Variants in PAQR5 observed in about 807,000 individuals in gnomAD.
PAQR5 encodes the protein membrane progestin receptor gamma.
A neutral mutation model predicts 34.5 loss-of-function variants in PAQR5; 20 were observed. That is an observed-to-expected ratio of 0.58 (90% CI 0.41 to 0.84). The LOEUF (loss-of-function observed/expected upper bound fraction) is 0.84. Among genes scored for constraint, PAQR5 ranks in the 40% least tolerant of loss-of-function variants. The probability of loss-of-function intolerance (pLI) is 0.00; values close to 1 mark genes in which losing one functional copy is unlikely to be tolerated. For missense variants in PAQR5, 378 were observed against 412.7 expected (o/e 0.92, Z 0.73); for synonymous variants, 131 against 155.6 (o/e 0.84, Z 1.18).
intron 4 of PAQR5, chr15:69,382,810 A>AAGCT: frequency 1.7e-4 from 1 of 5,870 alleles, no homozygotes; most frequent in African/African-American, 6.0e-4. Flanking sequence ...CCATATATAT[A>AAGCT]TATATATATA....
chr15:69,362,660 T>C (rs1396696109), intron 3 of PAQR5, among the ~76,000 whole-genome samples: 4 of 152,176 alleles, frequency 2.6e-5, no homozygotes, highest in Non-Finnish European at 5.9e-5. Context: ...CCTGGGGTTG[T>C]GAGAATTAAA....
Position 69,360,014 on chromosome 15 carries a change from A to C in PAQR5, c.-67A>C. 1 of 1,274,818 alleles carries C rather than the reference A, an allele frequency of 7.8e-7. No individual in the cohort carries two copies. The highest frequency in any genetic ancestry group is 1.7e-5 in the Admixed American group (1 of 58,900). 79.0% of individuals were successfully genotyped at this position (1,274,818 alleles called of 1,614,324 possible). A position where few individuals can be genotyped will look rare whatever the true frequency, so the allele number is the denominator to read the frequency against. On this transcript the variant is annotated 5_prime_UTR_variant, in exon 3 of 9. Coordinates refer to ENST00000395407, the MANE Select transcript of PAQR5 (RefSeq NM_017705.4). ...GCAGAGACGCCCCAGGCCATGTTAG[A>C]GCTTTGAGTGAGGCCTGGTAACAGG...
At chr15:69,319,738 GC>G (rs1226918330) in intron 1 of PAQR5, among the ~76,000 whole-genome samples, 1 of 152,250 alleles carries the variant, frequency 6.6e-6, no homozygotes, top group South Asian at 2.1e-4. Flanking sequence ...GGAGCTCAGT[GC>G]CCATGGAGCA....
intron 6 of PAQR5, chr15:69,391,351 G>C (rs1210563355): frequency 6.3e-6 from 1 of 157,492 alleles, no homozygotes; most frequent in Non-Finnish European, 1.4e-5. Flanking sequence ...TGGAAGGATA[G>C]ATTCTGAAAC....
intron 1 of PAQR5, among the ~76,000 whole-genome samples, chr15:69,323,571 C>T (rs530650301): frequency 6.6e-6 from 1 of 152,294 alleles, no homozygotes; most frequent in African/African-American, 2.4e-5. Context: ...CTGGCTGACA[C>T]AATTAATCCT....
chr15:69,396,424 T>C (rs560485989), intron 6 of PAQR5, among the ~76,000 whole-genome samples: 1 of 152,070 alleles, frequency 6.6e-6, no homozygotes, highest in Admixed American at 6.5e-5. Flanking sequence ...GATGCATGCA[T>C]TGCCTTTACA....
intron 6 of PAQR5, chr15:69,397,211 G>A (rs1325442378): frequency 2.5e-5 from 16 of 637,974 alleles, no homozygotes; most frequent in Non-Finnish European, 4.4e-5. Context: ...CTCCTTTCTG[G>A]CTTAGTCTGG....
chr15:69,349,114 G>T lies in PAQR5; in HGVS notation c.-115-10852G>T, dbSNP rs148523492. ...GCTTGTGAGTCGGTGGACTGCGCGG[G>T]GAAAATTTGCCCGTAATGTGGGTGG... On this transcript the variant is annotated intron_variant, in intron 2 of 8. Transcript: ENST00000395407. Among the ~76,000 whole-genome samples, 144 of 152,052 alleles carry T rather than the reference G, an allele frequency of 9.5e-4. 1 individual carries two copies. Among genetic ancestry groups the T allele is most frequent in the Middle Eastern group, 3.4e-3 (1 of 294 alleles).
intron 2 of PAQR5, among the ~76,000 whole-genome samples, chr15:69,341,680 C>T (rs1367308390): frequency 2.0e-5 from 3 of 152,184 alleles, no homozygotes; most frequent in Non-Finnish European, 2.9e-5. Context: ...TTCAGGCCGT[C>T]GCACCTGTAA....
At chr15:69,328,661 C>A (rs2054307700) in intron 1 of PAQR5, among the ~76,000 whole-genome samples, 1 of 152,224 alleles carries the variant, frequency 6.6e-6, no homozygotes, top group African/African-American at 2.4e-5. Context: ...TTATTCCAGC[C>A]TGTGCTTACC....
rs575854811 is a variant in PAQR5 at position 69,331,198 on chromosome 15, T to G, written c.-276-6143T>G. Among the ~76,000 whole-genome samples, 18 of 152,234 alleles carry G rather than the reference T, an allele frequency of 1.2e-4. No homozygotes were observed. The East Asian group carries it at 3.5e-3, about 29-fold the overall frequency. On this transcript the variant is annotated intron_variant, in intron 1 of 8. Coordinates refer to ENST00000395407, the MANE Select transcript of PAQR5 (RefSeq NM_017705.4). ...GAGTAACCTAGGTGCTGCCAATGCC[T>G]CCTTCCTTCTCGCCACTGGTTCTGT...
At chr15:69,334,314 C>T (rs1320243772) in intron 1 of PAQR5, among the ~76,000 whole-genome samples, 1 of 152,156 alleles carries the variant, frequency 6.6e-6, no homozygotes, top group Non-Finnish European at 1.5e-5. Flanking sequence ...AGGCATGAGC[C>T]ACTGCACCCG....
rs1208601166 is a variant in PAQR5 at position 69,385,189 on chromosome 15, G to A, written c.385+307G>A. Among the ~76,000 whole-genome samples, 3 of 152,218 alleles carry A rather than the reference G, an allele frequency of 2.0e-5. No homozygotes were observed. Among genetic ancestry groups the A allele is most frequent in the African/African-American group, 7.2e-5 (3 of 41,442 alleles). ...TAACATGACATCACAGAACACAAGG[G>A]TGGGAAGAGATATGCGTAGCACACT... On this transcript the variant is annotated intron_variant, in intron 5 of 8. Transcript: ENST00000395407. This position sits in a 1 kb window ranked among gnomAD's most constrained non-coding sequence, Gnocchi z 4.7.
intron 1 of PAQR5, among the ~76,000 whole-genome samples, chr15:69,300,222 G>A (rs1489924335): frequency 3.9e-5 from 6 of 152,152 alleles, no homozygotes; most frequent in Non-Finnish European, 8.8e-5. Flanking sequence ...ACTCCAGTCA[G>A]TAAGGTCCTC....
rs147795986 is a variant in PAQR5 at position 69,389,860 on chromosome 15, G to A, written c.512+80G>A. 2.4e-4 allele frequency: 358 copies of A among 1,512,608 alleles called. 1 individual carries two copies. The African/African-American group carries it at 4.0e-3, about 17-fold the overall frequency. The allele number at this position is 1,512,608 out of a possible 1,614,324, so 93.7% of individuals were successfully genotyped here. A position where few individuals can be genotyped will look rare whatever the true frequency, so the allele number is the denominator to read the frequency against. On this transcript the variant is annotated intron_variant, in intron 6 of 8. Coordinates refer to ENST00000395407, the MANE Select transcript of PAQR5 (RefSeq NM_017705.4). ...CCCTGCACTCTTTGAGGGAGCCGGG[G>A]AAGAGGTGGGCTCAATGGAAAAGGT...
chr15:69,302,633 C>G (rs566264498), intron 1 of PAQR5, among the ~76,000 whole-genome samples: 3 of 152,274 alleles, frequency 2.0e-5, no homozygotes, highest in South Asian at 4.2e-4. Context: ...TGCCAGGAAC[C>G]CTGTGTGACC....
In PAQR5 at chr15:69,389,655, C is replaced by T. The variant is rs116680947; in HGVS notation, c.387C>T (p.Gly129=). ...DYGAVNLFSL[G]SAIAYSAYTF... ...CCAAGGCTGGCTTTTCTTCCCCAGG[C>T]TCAGCCATTGCCTACTCTGCATACA... Residue 129 remains glycine, a splice_region_variant and synonymous_variant, in exon 6 of 9, where the codon GGC becomes GGT. Coordinates refer to ENST00000395407, the MANE Select transcript of PAQR5 (RefSeq NM_017705.4). 13 of 1,614,178 alleles carry T rather than the reference C, an allele frequency of 8.1e-6. No individual in the cohort carries two copies. In the East Asian group the frequency reaches 2.2e-4, roughly 28 times the overall value.
chr15:69,340,272 A>G (rs1409053059), intron 2 of PAQR5, among the ~76,000 whole-genome samples: 1 of 152,160 alleles, frequency 6.6e-6, no homozygotes, highest in East Asian at 1.9e-4. Flanking sequence ...CATAGCAAGC[A>G]ATATCTATAA....
intron 3 of PAQR5, among the ~76,000 whole-genome samples, chr15:69,362,005 G>A (rs2055247504): frequency 6.6e-6 from 1 of 152,198 alleles, no homozygotes; most frequent in East Asian, 1.9e-4. Context: ...ATGGGAGTCT[G>A]CTTAGATATC....
Sources: gnomAD v4.1 joint callset for allele counts (sites outside exome capture counted in the v4.1 genomes callset) on GRCh38, gnomAD v4.1.1 for gene constraint, Gnocchi (gnomAD v3.1) non-coding constraint, MANE v1.5 for transcripts, NCBI Gene and HGNC (gene_info 2026-07-23, HGNC 2026-07-21) for gene names.